TENM4: variants seen among roughly 807,000 people sequenced by gnomAD.
The protein encoded by TENM4 is teneurin transmembrane protein 4.
In TENM4, 82 loss-of-function variants were observed where a neutral mutation model predicts 243.3. That is an observed-to-expected ratio of 0.34 (90% confidence interval 0.28 to 0.40). The LOEUF (loss-of-function observed/expected upper bound fraction) is 0.40, where lower values mean the gene tolerates loss of function less well. TENM4 is among the 10% of genes least tolerant of loss of function. The pLI is 1.00. For missense variants in TENM4, 3,138 were observed against 3,673.3 expected (o/e 0.85, Z 3.77); for synonymous variants, 1,412 against 1,456.3 (o/e 0.97, Z 0.69).
At chr11:78,891,113 G>A in intron 8 of TENM4, 125 bp downstream of exon 8, 1 of 792,806 alleles carries the variant, frequency 1.3e-6, no homozygotes, top group Non-Finnish European at 2.1e-6. Flanking sequence ...CACGGACTTG[G>A]TGATGAGCAT....
chr11:79,071,543 C>A (rs7936970), intron 4 of TENM4, among the ~76,000 whole-genome samples: 1 of 152,028 alleles, frequency 6.6e-6, no homozygotes, highest in African/African-American at 2.4e-5. Context: ...GATATAAAAG[C>A]TATGACTTTA....
chr11:78,825,578 G>A (rs1371752722), intron 12 of TENM4, among the ~76,000 whole-genome samples: 1 of 152,188 alleles, frequency 6.6e-6, no homozygotes, highest in African/African-American at 2.4e-5. Flanking sequence ...TAAAAAACAA[G>A]CCAGAGGGGG....
intron 12 of TENM4, among the ~76,000 whole-genome samples, chr11:78,836,934 G>C (rs1858130550): frequency 1.3e-5 from 2 of 152,176 alleles, no homozygotes. Context: ...GTCACCAGGG[G>C]CACTTAAGTA....
chr11:79,360,410 GT>G (rs1353425258), intron 1 of TENM4, among the ~76,000 whole-genome samples: 14 of 152,216 alleles, frequency 9.2e-5, no homozygotes, highest in Admixed American at 6.5e-5. Context: ...GGATCAGCGT[GT>G]TGATTCTGTT....
intron 3 of TENM4, among the ~76,000 whole-genome samples, chr11:79,198,484 T>C (rs995900149): frequency 5.9e-5 from 9 of 152,184 alleles, no homozygotes; most frequent in African/African-American, 2.2e-4. Context: ...TTCCCCCTCC[T>C]TCCACCACTC....
chr11:79,280,310 G>A (rs1856134467), intron 2 of TENM4, among the ~76,000 whole-genome samples: 1 of 152,076 alleles, frequency 6.6e-6, no homozygotes, highest in Non-Finnish European at 1.5e-5. Flanking sequence ...TCCTCCTTTT[G>A]TGGCCATCTC....
chr11:78,860,587 G>T (rs921284022), intron 10 of TENM4, among the ~76,000 whole-genome samples: 1 of 152,198 alleles, frequency 6.6e-6, no homozygotes, highest in Non-Finnish European at 1.5e-5. Context: ...ATATCTAGGG[G>T]AATGCATTTT....
At chr11:78,839,004 A>C (rs922831821) in intron 12 of TENM4, among the ~76,000 whole-genome samples, 9 of 152,126 alleles carry the variant, frequency 5.9e-5, no homozygotes, top group Admixed American at 1.3e-4. Flanking sequence ...CAAATAATAA[A>C]TTTTTACATG....
intron 6 of TENM4, among the ~76,000 whole-genome samples, chr11:78,955,253 T>A (rs1487600901): frequency 6.6e-6 from 1 of 152,242 alleles, no homozygotes; most frequent in African/African-American, 2.4e-5. Context: ...CACAGGACTT[T>A]TCTGTGGATC....
chr11:79,278,146 T>C (rs1485029917), intron 2 of TENM4, among the ~76,000 whole-genome samples: 1 of 152,138 alleles, frequency 6.6e-6, no homozygotes, highest in Non-Finnish European at 1.5e-5. Flanking sequence ...GGGGAAACAG[T>C]AGGTATTGAT....
rs1265229701 is a variant in TENM4 at position 78,854,252 on chromosome 11, C to T, written c.1533G>A (p.Glu511=). Reference sequence around the variant, plus strand: ...TTCCCCGAGACTGGCGCGGGGTCCCCTCTAGGCTCCGCGCCTCCTGGGTTA... The same window carrying T: ...TTCCCCGAGACTGGCGCGGGGTCCCTTCTAGGCTCCGCGCCTCCTGGGTTA... ...RLLTQEARSL[E]GTPRQSRGTV... is the part of the protein sequence containing the mutation. Residue 511 remains glutamate, a synonymous_variant, in exon 12 of 34, where the codon GAG becomes GAA. Transcript: ENST00000278550. 12 of 1,547,508 alleles carry T rather than the reference C, an allele frequency of 7.8e-6. No individual in the cohort carries two copies. The highest frequency in any genetic ancestry group is 1.0e-5 in the Non-Finnish European group (12 of 1,144,466).
intron 20 of TENM4, among the ~76,000 whole-genome samples, chr11:78,733,298 T>C (rs1006290042): frequency 2.6e-5 from 4 of 152,172 alleles, no homozygotes; most frequent in African/African-American, 9.7e-5. Context: ...CAGCCCAGCC[T>C]CTGTTCATCA....
chr11:78,727,303 C>T lies in TENM4; in HGVS notation c.3407-1081G>A, dbSNP rs576232004. 6.2e-3 allele frequency among the ~76,000 whole-genome samples: 947 copies of T among 151,778 alleles called. 6 individuals are homozygous for T. The highest frequency in any genetic ancestry group is 0.01 in the Non-Finnish European group (702 of 67,954). Reference sequence around the variant, plus strand: ...CTCTACTAAAAATACAAAAATTAGCCGGGTGTGGTGGTGGGCGCCTGTAGT... The same window carrying T: ...CTCTACTAAAAATACAAAAATTAGCTGGGTGTGGTGGTGGGCGCCTGTAGT... On this transcript the variant is annotated intron_variant, in intron 22 of 33. Transcript: ENST00000278550.
chr11:78,991,306 T>TAAA (rs35865449), intron 6 of TENM4, among the ~76,000 whole-genome samples: 2 of 150,158 alleles, frequency 1.3e-5, no homozygotes, highest in African/African-American at 4.9e-5. Flanking sequence ...CTTTTGAGGT[T>TAAA]AAAAAAAAAG....
At chr11:79,205,356 T>C (rs771998395) in intron 3 of TENM4, among the ~76,000 whole-genome samples, 4 of 152,092 alleles carry the variant, frequency 2.6e-5, no homozygotes, top group African/African-American at 4.8e-5. Context: ...TGTGTATGGG[T>C]TAAGTTCTAT....
intron 4 of TENM4, among the ~76,000 whole-genome samples, chr11:79,100,005 A>G (rs1479892221): frequency 1.3e-5 from 2 of 152,178 alleles, no homozygotes; most frequent in Non-Finnish European, 2.9e-5. Flanking sequence ...CTGGTTGAGC[A>G]CTTTCACGCC....
chr11:78,783,823 A>G (rs1428251816), intron 16 of TENM4, among the ~76,000 whole-genome samples: 12 of 152,232 alleles, frequency 7.9e-5, no homozygotes, highest in Admixed American at 2.0e-4. Flanking sequence ...AAAGGCTCCA[A>G]AAGAAGATAT....
At chr11:79,010,446 C>T (rs1591205160) in intron 6 of TENM4, among the ~76,000 whole-genome samples, 1 of 151,870 alleles carries the variant, frequency 6.6e-6, no homozygotes, top group East Asian at 1.9e-4. Context: ...GGGGAGTTTT[C>T]CTTAGGGTAT....
chr11:79,184,743 T>C lies in TENM4; in HGVS notation c.-163+31065A>G, dbSNP rs201744385. Among the ~76,000 whole-genome samples the C allele has an allele frequency of 2.0e-4, 31 of 152,280 alleles. 1 individual carries two copies. In the East Asian group the frequency reaches 6.0e-3, roughly 29 times the overall value. On this transcript the variant is annotated intron_variant, in intron 3 of 33. Coordinates refer to ENST00000278550, the MANE Select transcript of TENM4 (RefSeq NM_001098816.3). ...GAAGGCAGCAGGGAAAGTTATTGTT[T>C]AATGGGCATAGAGTTTCAGTTTGGA...
Sources: gnomAD v4.1 joint callset for allele counts (sites outside exome capture counted in the v4.1 genomes callset) on GRCh38, gnomAD v4.1.1 for gene constraint, MANE v1.5 for transcripts, NCBI Gene and HGNC (gene_info 2026-07-23, HGNC 2026-07-21) for gene names.